TRIM33: variants seen among roughly 807,000 people sequenced by gnomAD.
The protein encoded by TRIM33 is E3 ubiquitin-protein ligase TRIM33.
In TRIM33, 20 loss-of-function variants were observed where a neutral mutation model predicts 125.4. The observed-to-expected ratio is 0.16, with a 90% CI of 0.11 to 0.23. TRIM33 has a LOEUF of 0.23. TRIM33 is among the 10% of genes least tolerant of loss of function. The pLI is 1.00. For synonymous variants in TRIM33, 564 were observed against 513.9 expected, an observed-to-expected ratio of 1.10 and a Z score of -1.32; for missense variants, 920 against 1,411.4, an observed-to-expected ratio of 0.65 and a Z score of 5.58.
intron 1 of TRIM33, among the ~76,000 whole-genome samples, chr1:114,494,846 T>A (rs1191819710): frequency 6.6e-6 from 1 of 152,228 alleles, no homozygotes; most frequent in Non-Finnish European, 1.5e-5. Context: ...AATCAGATTC[T>A]ACCAAGTCAG....
chr1:114,492,467 C>T (rs901495646), intron 1 of TRIM33, among the ~76,000 whole-genome samples: 1 of 151,990 alleles, frequency 6.6e-6, no homozygotes, highest in Non-Finnish European at 1.5e-5. Context: ...TGCAACCATC[C>T]AACCATCACC....
intron 4 of TRIM33, among the ~76,000 whole-genome samples, chr1:114,436,511 G>C (rs1256375088): frequency 6.6e-6 from 1 of 151,698 alleles, no homozygotes; most frequent in Non-Finnish European, 1.5e-5. Flanking sequence ...TGTCGTCCAG[G>C]CTGGAGTGCA....
At chr1:114,442,029 C>T (rs74113182) in intron 4 of TRIM33, among the ~76,000 whole-genome samples, 6,650 of 152,220 alleles carry the variant, frequency 0.044, 160 homozygotes, top group South Asian at 0.063. Context: ...TGAACTATTA[C>T]GGAACCAAAT....
At position 114,427,231 on chromosome 1, in the gene TRIM33, C is replaced by A. The variant is rs773729333; in HGVS notation, c.1366G>T (p.Ala456Ser). Residue 456 changes from alanine to serine, a missense_variant, in exon 8 of 20, where the codon GCA (alanine) becomes TCA (serine). Ala to Ser is a moderately conservative substitution (Grantham distance 99). Around this residue, in one of 8 missense-constraint regions of TRIM33, gnomAD observed 407 missense variants for 589.7 expected, o/e 0.69. Coordinates refer to ENST00000358465, the MANE Select transcript of TRIM33 (RefSeq NM_015906.4). ...GTGGGATCACAATGGAAACGTATTG[C>A]TCCATTAGCAGCAGGGACAGGATCA... ...RCDPVPAANG[A>S]IRFHCDPTFW... is the part of the protein sequence containing the mutation. 4 of 1,606,800 alleles carry A rather than the reference C, an allele frequency of 2.5e-6. No individual in the cohort carries two copies. The highest frequency in any genetic ancestry group is 3.4e-6 in the Non-Finnish European group (4 of 1,175,244).
intron 4 of TRIM33, among the ~76,000 whole-genome samples, chr1:114,443,385 A>AAATGAATGAATG (rs372157103): frequency 0.016 from 2,409 of 149,960 alleles, 63 homozygotes; most frequent in African/African-American, 0.051. Flanking sequence ...CTCCATCTCA[A>AAATGAATGAATG]AATGAATGAA....
intron 4 of TRIM33, among the ~76,000 whole-genome samples, chr1:114,447,487 T>C (rs1649057298): frequency 6.6e-6 from 1 of 152,088 alleles, no homozygotes; most frequent in Non-Finnish European, 1.5e-5. Flanking sequence ...TTTGGAAGCG[T>C]TATGTTTGAA....
At chr1:114,502,771 T>C (rs1291658030) in intron 1 of TRIM33, among the ~76,000 whole-genome samples, 1 of 152,146 alleles carries the variant, frequency 6.6e-6, no homozygotes, top group Non-Finnish European at 1.5e-5. Context: ...CCTTCGAAAG[T>C]GCTGGGATTA....
chr1:114,510,256 G>A (rs1653260945), intron 1 of TRIM33, among the ~76,000 whole-genome samples: 1 of 152,072 alleles, frequency 6.6e-6, no homozygotes, highest in Non-Finnish European at 1.5e-5. Flanking sequence ...CACTGTACGG[G>A]TCTGCCAGCT....
chr1:114,475,851 A>C lies in TRIM33; in HGVS notation c.527-11463T>G, dbSNP rs560264763. Among the ~76,000 whole-genome samples, 681 of 152,160 alleles carry C rather than the reference A, an allele frequency of 4.5e-3. 2 individuals are homozygous for C. The highest frequency in any genetic ancestry group is 7.4e-3 in the Non-Finnish European group (503 of 68,002). Reference sequence around the variant, plus strand: ...GACCCCATCTCTAGAAAAACTTTAAAAACTAGCTCAGCGTGTAGGTGTGCA... The same window carrying C: ...GACCCCATCTCTAGAAAAACTTTAACAACTAGCTCAGCGTGTAGGTGTGCA... On this transcript the variant is annotated intron_variant, in intron 1 of 19. Transcript: ENST00000358465.
intron 1 of TRIM33, among the ~76,000 whole-genome samples, chr1:114,478,336 T>A (rs570889388): frequency 6.6e-6 from 1 of 152,276 alleles, no homozygotes; most frequent in East Asian, 1.9e-4. Flanking sequence ...AACATGAGAT[T>A]TGCCAGGTAT....
At chr1:114,468,793 A>G (rs1462046676) in intron 1 of TRIM33, 1 of 365,944 alleles carries the variant, frequency 2.7e-6, no homozygotes, top group African/African-American at 2.2e-5. Flanking sequence ...ATCTCATTCA[A>G]TAATCATACA....
At chr1:114,414,803 A>G (rs1224580793) in intron 11 of TRIM33, among the ~76,000 whole-genome samples, 2 of 152,104 alleles carry the variant, frequency 1.3e-5, no homozygotes, top group African/African-American at 4.8e-5. Context: ...AATGCTTATA[A>G]TTTTCCTATT....
At chr1:114,416,910 T>C (rs11581221) in intron 11 of TRIM33, among the ~76,000 whole-genome samples, 1 of 152,230 alleles carries the variant, frequency 6.6e-6, no homozygotes, top group African/African-American at 2.4e-5. Context: ...AACAGCCTGG[T>C]ACACTACGTT....
At chr1:114,462,017 C>T (rs1042288890) in intron 4 of TRIM33, among the ~76,000 whole-genome samples, 3 of 152,120 alleles carry the variant, frequency 2.0e-5, no homozygotes, top group Non-Finnish European at 4.4e-5. Flanking sequence ...AGAAAATGAG[C>T]ATATGGGTTA....
chr1:114,421,352 A>T lies in TRIM33; in HGVS notation c.2061+84T>A, dbSNP rs61810992. ...TTCAAGGAAATGTTGATCCTGAATT[A>T]AAAAAAAAAAACTCTGAAATAAATA... On this transcript the variant is annotated intron_variant, in intron 11 of 19. Transcript: ENST00000358465. The T allele has an allele frequency of 4.4e-4, 163 of 371,394 alleles. No individual in the cohort carries two copies. The South Asian group carries it at 7.3e-3, about 17-fold the overall frequency. The allele number at this position is 371,394 out of a possible 1,614,324, so 23.0% of individuals were successfully genotyped here.
chr1:114,446,452 T>C (rs1178093186), intron 4 of TRIM33, among the ~76,000 whole-genome samples: 4 of 152,062 alleles, frequency 2.6e-5, no homozygotes, highest in African/African-American at 9.7e-5. Context: ...AGGATAGTAA[T>C]TGAGTAAAAT....
At chr1:114,422,974 T>C (rs1396419418) in intron 10 of TRIM33, among the ~76,000 whole-genome samples, 1 of 152,040 alleles carries the variant, frequency 6.6e-6, no homozygotes, top group East Asian at 1.9e-4. Flanking sequence ...TAAAAACAAA[T>C]CCCAAAAAAC....
intron 1 of TRIM33, among the ~76,000 whole-genome samples, chr1:114,504,554 A>G (rs1652890375): frequency 6.6e-6 from 1 of 152,206 alleles, no homozygotes; most frequent in South Asian, 2.1e-4. Flanking sequence ...TGTAATTATG[A>G]AAATAGTTTT....
chr1:114,454,284 CTG>C (rs1649499720), intron 4 of TRIM33, among the ~76,000 whole-genome samples: 1 of 152,100 alleles, frequency 6.6e-6, no homozygotes. Flanking sequence ...GGTTGTATAA[CTG>C]CAGCTGCAGT....
Sources: allele counts gnomAD v4.1 joint callset (sites outside exome capture counted in the v4.1 genomes callset), GRCh38; gene constraint gnomAD v4.1.1; regional missense constraint gnomAD v4.1.1; transcripts MANE v1.5; gene names NCBI Gene and HGNC (gene_info 2026-07-23, HGNC 2026-07-21).